Variants in RBFOX1 observed in about 807,000 individuals in gnomAD.
The protein encoded by RBFOX1 is RNA binding protein fox-1 homolog 1.
RBFOX1 carries 8 observed loss-of-function variants against 57.7 expected under a neutral mutation model. That is an observed-to-expected ratio of 0.14 (90% confidence interval 0.08 to 0.25). The LOEUF is 0.25. Ranked by LOEUF, RBFOX1 falls within the 10% of genes least tolerant of loss-of-function variation. The probability of loss-of-function intolerance (pLI) is 1.00; values close to 1 mark genes in which losing one functional copy is unlikely to be tolerated. For synonymous variants in RBFOX1, 326 were observed against 222.4 expected (o/e 1.47, Z -4.15); for missense variants, 611 against 548.5 (o/e 1.11, Z -1.14).
intron 1 of RBFOX1, among the ~76,000 whole-genome samples, chr16:5,387,032 C>G (rs1172420417): frequency 6.6e-6 from 1 of 152,154 alleles, no homozygotes; most frequent in Non-Finnish European, 1.5e-5. Context: ...GCCTGGGCAA[C>G]AAGAGTGAAA....
intron 2 of RBFOX1, among the ~76,000 whole-genome samples, chr16:6,363,241 G>A (rs11860999): frequency 0.25 from 37,465 of 151,894 alleles, 4,873 homozygotes; most frequent in Middle Eastern, 0.33. Flanking sequence ...GTGGCCTTCC[G>A]TTGTGTAGTA....
intron 3 of RBFOX1, among the ~76,000 whole-genome samples, chr16:6,798,649 A>G (rs935141852): frequency 1.3e-5 from 2 of 152,294 alleles, no homozygotes; most frequent in South Asian, 2.1e-4. Flanking sequence ...GCCAAAGCAA[A>G]TGTGCTTTTT....
chr16:6,430,429 A>T (rs553825958), intron 2 of RBFOX1, among the ~76,000 whole-genome samples: 3 of 152,344 alleles, frequency 2.0e-5, no homozygotes, highest in Admixed American at 2.0e-4. Context: ...GGGATTCTTC[A>T]TGGAAAAGAT....
At chr16:5,723,762 A>G (rs1342631107) in intron 3 of RBFOX1, among the ~76,000 whole-genome samples, 1 of 152,222 alleles carries the variant, frequency 6.6e-6, no homozygotes, top group African/African-American at 2.4e-5. Context: ...TCTAAGGTTG[A>G]GTAGCCAGCC....
At chr16:5,423,009 G>A (rs2067398019) in intron 1 of RBFOX1, among the ~76,000 whole-genome samples, 1 of 112,790 alleles carries the variant, frequency 8.9e-6, no homozygotes, top group South Asian at 4.3e-4. Context: ...GAGGAAGGAG[G>A]AGAAAGGAGA....
intron 3 of RBFOX1, among the ~76,000 whole-genome samples, chr16:6,899,642 A>G (rs1031166765): frequency 6.6e-6 from 1 of 152,216 alleles, no homozygotes; most frequent in Admixed American, 6.5e-5. Flanking sequence ...AATGGGAAGA[A>G]TAAACGTCCA....
At chr16:7,139,757 A>G (rs1364312343) in intron 4 of RBFOX1, among the ~76,000 whole-genome samples, 6 of 152,016 alleles carry the variant, frequency 3.9e-5, no homozygotes, top group Non-Finnish European at 8.8e-5. Context: ...CATTGATTGG[A>G]TTCTTTTTTT....
chr16:5,465,776 C>A (rs1023822511), intron 1 of RBFOX1, among the ~76,000 whole-genome samples: 1 of 152,200 alleles, frequency 6.6e-6, no homozygotes, highest in African/African-American at 2.4e-5. Flanking sequence ...TGAATCGTCA[C>A]CCTATGAAGT....
At chr16:7,414,619 A>AT (rs1487182157) in intron 4 of RBFOX1, among the ~76,000 whole-genome samples, 1 of 151,816 alleles carries the variant, frequency 6.6e-6, no homozygotes, top group Admixed American at 6.6e-5. Context: ...ATTTTATTTT[A>AT]TTTATTTATT....
chr16:5,361,351 C>A (rs78839417), intron 1 of RBFOX1, among the ~76,000 whole-genome samples: 2,455 of 152,236 alleles, frequency 0.016, 77 homozygotes, highest in African/African-American at 0.057. Flanking sequence ...TAGGTAGTTA[C>A]CCAGAGGTCT....
chr16:5,726,098 G>T (rs894692341), intron 3 of RBFOX1, among the ~76,000 whole-genome samples: 3 of 150,944 alleles, frequency 2.0e-5, no homozygotes, highest in African/African-American at 7.3e-5. Context: ...TTTTAATAAA[G>T]CTTTTTCTTT....
At chr16:6,022,585 A>C (rs1366029514) in intron 1 of RBFOX1, among the ~76,000 whole-genome samples, 1 of 152,066 alleles carries the variant, frequency 6.6e-6, no homozygotes, top group East Asian at 1.9e-4. Context: ...TGGAGGCTGA[A>C]GTGGGAGAAT....
At chr16:6,438,248 C>T (rs1342865980) in intron 2 of RBFOX1, among the ~76,000 whole-genome samples, 1 of 152,198 alleles carries the variant, frequency 6.6e-6, no homozygotes, top group Non-Finnish European at 1.5e-5. Context: ...GTGCTCTGTG[C>T]CTCACAGGTA....
At chr16:6,768,004 G>A (rs1319509619) in intron 3 of RBFOX1, among the ~76,000 whole-genome samples, 1 of 149,958 alleles carries the variant, frequency 6.7e-6, no homozygotes, top group East Asian at 2.0e-4. Flanking sequence ...GGAGAAAACT[G>A]GACAAAACTG....
intron 3 of RBFOX1, among the ~76,000 whole-genome samples, chr16:6,903,056 G>C (rs1264946855): frequency 1.3e-5 from 2 of 152,272 alleles, no homozygotes; most frequent in Middle Eastern, 3.4e-3. Context: ...ACAAGGTTTT[G>C]TGAGCATCTG....
intron 4 of RBFOX1, among the ~76,000 whole-genome samples, chr16:7,367,788 A>G (rs1472294895): frequency 6.6e-6 from 1 of 152,140 alleles, no homozygotes; most frequent in Non-Finnish European, 1.5e-5. Context: ...TGATATTTCA[A>G]AAGAAGGTAA....
chr16:7,024,030 A>AT lies in RBFOX1; in HGVS notation c.-15-28027_-15-28026insT, dbSNP rs1351099937. Among the ~76,000 whole-genome samples the AT allele has an allele frequency of 6.0e-3, 916 of 152,300 alleles. 10 individuals carry two copies. The highest frequency in any genetic ancestry group is 0.021 in the African/African-American group (878 of 41,568). ...ATCCTCCTGATAACCGTATGTTGAA[A>AT]AAGGATTTAAGAGGAAGGTCATAAA... On this transcript the variant is annotated intron_variant, in intron 3 of 15. Coordinates refer to ENST00000550418, the MANE Select transcript of RBFOX1 (RefSeq NM_018723.4).
chr16:7,119,609 C>A (rs775233004), intron 4 of RBFOX1, among the ~76,000 whole-genome samples: 10 of 151,774 alleles, frequency 6.6e-5, no homozygotes, highest in Non-Finnish European at 1.2e-4. Flanking sequence ...CCCAGACATA[C>A]AGGAGGACAT....
chr16:7,699,685 T>A (rs1324640402), intron 14 of RBFOX1, among the ~76,000 whole-genome samples: 1 of 152,152 alleles, frequency 6.6e-6, no homozygotes, highest in Admixed American at 6.5e-5. Flanking sequence ...AGTTACACAT[T>A]GTAGTGATGA....
Sources: gnomAD v4.1 joint callset for allele counts (sites outside exome capture counted in the v4.1 genomes callset) on GRCh38, gnomAD v4.1.1 for gene constraint, MANE v1.5 for transcripts, NCBI Gene and HGNC (gene_info 2026-07-23, HGNC 2026-07-21) for gene names.